MOB3B: variants seen among roughly 807,000 people sequenced by gnomAD.
The protein encoded by MOB3B is MOB kinase activator-like 2B.
MOB3B carries 7 observed loss-of-function variants against 18.7 expected under a neutral mutation model. That is an observed-to-expected ratio of 0.37 (90% CI 0.21 to 0.70). The LOEUF (loss-of-function observed/expected upper bound fraction) is 0.70, where lower values mean the gene tolerates loss of function less well. Ranked by LOEUF, MOB3B falls within the 30% of genes least tolerant of loss-of-function variation. The pLI is 0.52. For missense variants in MOB3B, 253 were observed against 281.3 expected (o/e 0.90, Z 0.72); for synonymous variants, 111 against 99.9 (o/e 1.11, Z -0.66).
chr9:27,390,561 A>C (rs550392321), intron 2 of MOB3B, among the ~76,000 whole-genome samples: 1 of 152,298 alleles, frequency 6.6e-6, no homozygotes, highest in African/African-American at 2.4e-5. Flanking sequence ...TTTAGTTCCC[A>C]CAGGGTAACT....
chr9:27,415,053 G>T (rs926740989), intron 2 of MOB3B, among the ~76,000 whole-genome samples: 1 of 151,682 alleles, frequency 6.6e-6, no homozygotes, highest in Non-Finnish European at 1.5e-5. Flanking sequence ...GTAGGGACGG[G>T]GTTTCACCAT....
At chr9:27,500,804 A>T (rs935002114) in intron 1 of MOB3B, among the ~76,000 whole-genome samples, 3 of 152,220 alleles carry the variant, frequency 2.0e-5, no homozygotes, top group Non-Finnish European at 2.9e-5. Context: ...CATCAGAGTG[A>T]ACAGGCAACC....
chr9:27,500,998 A>G (rs1819982156), intron 1 of MOB3B, among the ~76,000 whole-genome samples: 1 of 152,248 alleles, frequency 6.6e-6, no homozygotes, highest in Admixed American at 6.5e-5. Context: ...ATATGAAAAA[A>G]AAACCTCATC....
intron 1 of MOB3B, among the ~76,000 whole-genome samples, chr9:27,514,345 C>A (rs1164547383): frequency 1.8e-4 from 14 of 77,600 alleles, no homozygotes; most frequent in Middle Eastern, 8.1e-3. Context: ...ACCACAAGCT[C>A]AAAAAAAAAA....
At chr9:27,494,966 T>C (rs1362823732) in intron 1 of MOB3B, among the ~76,000 whole-genome samples, 1 of 152,190 alleles carries the variant, frequency 6.6e-6, no homozygotes, top group Admixed American at 6.5e-5. Flanking sequence ...GAACTGCTGG[T>C]GATGCTGATG....
intron 2 of MOB3B, among the ~76,000 whole-genome samples, chr9:27,407,241 T>C (rs1467040992): frequency 1.3e-5 from 2 of 152,212 alleles, no homozygotes; most frequent in Non-Finnish European, 2.9e-5. Context: ...AAAAAATGTT[T>C]AGAGCACAAC....
At chr9:27,482,263 A>T (rs1279083748) in intron 1 of MOB3B, among the ~76,000 whole-genome samples, 1 of 149,592 alleles carries the variant, frequency 6.7e-6, no homozygotes, top group Non-Finnish European at 1.5e-5. Flanking sequence ...TAATCCAAAC[A>T]TAAAGCACAT....
chr9:27,423,902 G>A (rs879902151), intron 2 of MOB3B, among the ~76,000 whole-genome samples: 6 of 152,264 alleles, frequency 3.9e-5, no homozygotes, highest in Admixed American at 2.0e-4. Context: ...ACAACTATAC[G>A]AAGGAGGTGC....
At chr9:27,523,311 A>G (rs1820369252) in intron 1 of MOB3B, among the ~76,000 whole-genome samples, 1 of 152,188 alleles carries the variant, frequency 6.6e-6, no homozygotes, top group Admixed American at 6.5e-5. Context: ...GAATTCACTT[A>G]GCTAAATGGG....
chr9:27,526,682 T>A (rs564175595), intron 1 of MOB3B, among the ~76,000 whole-genome samples: 1 of 152,010 alleles, frequency 6.6e-6, no homozygotes, highest in South Asian at 2.1e-4. Context: ...TCACATCTAA[T>A]CAAAAGAAAA....
intron 1 of MOB3B, among the ~76,000 whole-genome samples, chr9:27,527,409 T>C (rs897695107): frequency 6.6e-6 from 1 of 152,208 alleles, no homozygotes; most frequent in Non-Finnish European, 1.5e-5. Flanking sequence ...GGTAAAGAGA[T>C]ATAATACCCA....
intron 1 of MOB3B, among the ~76,000 whole-genome samples, chr9:27,522,811 C>T (rs575799984): frequency 2.0e-5 from 3 of 152,114 alleles, no homozygotes; most frequent in East Asian, 3.9e-4. Flanking sequence ...CAATTTATAA[C>T]GCTATATAAA....
At chr9:27,401,936 T>A (rs1821887019) in intron 2 of MOB3B, among the ~76,000 whole-genome samples, 1 of 152,204 alleles carries the variant, frequency 6.6e-6, no homozygotes, top group Non-Finnish European at 1.5e-5. Context: ...TTTTCTGGTC[T>A]CTTCCAACAG....
chr9:27,389,221 T>G (rs915643292), intron 2 of MOB3B, among the ~76,000 whole-genome samples: 2 of 152,154 alleles, frequency 1.3e-5, no homozygotes, highest in African/African-American at 4.8e-5. Context: ...CACCCCAAAC[T>G]TACTGGATCA....
rs10757661 is a variant in MOB3B at position 27,455,587 on chromosome 9, G to A, written c.-37C>T. On this transcript the variant is annotated 5_prime_UTR_variant, in exon 2 of 4. Coordinates refer to ENST00000262244, the MANE Select transcript of MOB3B (RefSeq NM_024761.5). ...TCGCTTCCTTTCTTTTGCAGGAAGC[G>A]AAAAGGCACCTGGAACTTTTCAGGG... 0.64 allele frequency: 1,026,475 copies of A among 1,612,110 alleles called. 327,699 individuals are homozygous for A. The highest frequency in any genetic ancestry group is 0.67 in the African/African-American group (50,119 of 74,766).
At chr9:27,390,391 G>A (rs10812582) in intron 2 of MOB3B, among the ~76,000 whole-genome samples, 14,131 of 152,232 alleles carry the variant, frequency 0.093, 880 homozygotes, top group Admixed American at 0.16. Flanking sequence ...TAGTAGAGAC[G>A]GGGTTTTGCC....
At chr9:27,433,618 T>C (rs564703183) in intron 2 of MOB3B, among the ~76,000 whole-genome samples, 153 of 152,244 alleles carry the variant, frequency 1.0e-3, no homozygotes, top group African/African-American at 3.5e-3. Flanking sequence ...CTCCAGTTAA[T>C]CAAATCTGAA....
intron 2 of MOB3B, among the ~76,000 whole-genome samples, chr9:27,443,741 T>C (rs1274998849): frequency 2.6e-5 from 4 of 152,200 alleles, no homozygotes; most frequent in Admixed American, 6.5e-5. Context: ...AGACTCACCA[T>C]CAGGGTTTTG....
chr9:27,481,849 G>A (rs929341206), intron 1 of MOB3B, among the ~76,000 whole-genome samples: 2 of 152,066 alleles, frequency 1.3e-5, no homozygotes, highest in Non-Finnish European at 2.9e-5. Flanking sequence ...CTTACAGATC[G>A]TTGCCATGTG....
Sources: allele counts gnomAD v4.1 joint callset (sites outside exome capture counted in the v4.1 genomes callset), GRCh38; gene constraint gnomAD v4.1.1; transcripts MANE v1.5; gene names NCBI Gene and HGNC (gene_info 2026-07-23, HGNC 2026-07-21).